The following SUCLG2 variants were observed in gnomAD, a reference collection of about 807,000 sequenced individuals.
SUCLG2 encodes succinate--CoA ligase [GDP-forming] subunit beta, mitochondrial.
Under a neutral mutation model 47.9 loss-of-function variants are expected in SUCLG2, and 42 were observed. That is an observed-to-expected ratio of 0.88 (90% CI 0.69 to 1.14). SUCLG2 has a LOEUF of 1.14. Among genes scored for constraint, SUCLG2 ranks in the 50% most tolerant of loss-of-function variants. The pLI is 0.00. For synonymous variants in SUCLG2, 195 were observed against 197.3 expected (o/e 0.99, Z 0.10); for missense variants, 571 against 525.9 (o/e 1.09, Z -0.84).
At chr3:67,568,824 T>C (rs1707537385) in intron 2 of SUCLG2, among the ~76,000 whole-genome samples, 1 of 152,008 alleles carries the variant, frequency 6.6e-6, no homozygotes, top group Admixed American at 6.6e-5. Flanking sequence ...GAGGCGGAGC[T>C]TGCAGTGAGC....
chr3:67,642,241 G>A (rs979803988), intron 1 of SUCLG2, among the ~76,000 whole-genome samples: 1 of 152,192 alleles, frequency 6.6e-6, no homozygotes, highest in South Asian at 2.1e-4. Flanking sequence ...CTGAGGAGAT[G>A]TGCAGGGCAA....
At chr3:67,547,380 CAT>C (rs1344822320) in intron 2 of SUCLG2, among the ~76,000 whole-genome samples, 3 of 152,216 alleles carry the variant, frequency 2.0e-5, no homozygotes, top group Non-Finnish European at 4.4e-5. Flanking sequence ...TCCCTGAACA[CAT>C]AGTGTTTTAC....
intron 2 of SUCLG2, among the ~76,000 whole-genome samples, chr3:67,554,743 C>A (rs985431864): frequency 6.6e-6 from 1 of 152,166 alleles, no homozygotes; most frequent in Non-Finnish European, 1.5e-5. Flanking sequence ...AGTTCGTCAA[C>A]ATATGGCTTC....
chr3:67,454,758 C>G (rs150247151), intron 9 of SUCLG2, among the ~76,000 whole-genome samples: 4,047 of 152,082 alleles, frequency 0.027, 68 homozygotes, highest in African/African-American at 0.049. Flanking sequence ...GTCAGGAGAT[C>G]GAGACCATCC....
At chr3:67,364,875 A>T (rs1701855728) in intron 10 of SUCLG2, among the ~76,000 whole-genome samples, 1 of 152,268 alleles carries the variant, frequency 6.6e-6, no homozygotes, top group Non-Finnish European at 1.5e-5. Context: ...GACAGTTTAA[A>T]GCAACCATCA....
chr3:67,423,204 G>C (rs565259101), intron 9 of SUCLG2, among the ~76,000 whole-genome samples: 35 of 152,242 alleles, frequency 2.3e-4, no homozygotes, highest in African/African-American at 7.9e-4. Flanking sequence ...AGTCTCACGA[G>C]ATCTGATGGC....
rs1245622334 is a variant in SUCLG2, at chr3:67,375,009, T to C, written c.*735A>G. On this transcript the variant is annotated 3_prime_UTR_variant, in exon 11 of 11. Transcript: ENST00000307227. Reference sequence around the variant, plus strand: ...ACAGAGATTTCCATAAGAATCAGGATTCATTTTTGACACAAAAATGGAAGC... The same window carrying C: ...ACAGAGATTTCCATAAGAATCAGGACTCATTTTTGACACAAAAATGGAAGC... 1 of 985,694 alleles carries C rather than the reference T, an allele frequency of 1.0e-6. No homozygotes were observed. Among genetic ancestry groups the C allele is most frequent in the Non-Finnish European group, 1.2e-6 (1 of 829,944 alleles). 61.1% of individuals were successfully genotyped at this position (985,694 alleles called of 1,614,324 possible).
At chr3:67,377,716 T>C (rs543820170) in intron 10 of SUCLG2, among the ~76,000 whole-genome samples, 19 of 152,164 alleles carry the variant, frequency 1.2e-4, no homozygotes, top group Non-Finnish European at 2.5e-4. Context: ...TGCAGTGGTG[T>C]GATCTCAGCT....
intron 9 of SUCLG2, among the ~76,000 whole-genome samples, chr3:67,477,619 C>A (rs188355602): frequency 2.0e-5 from 3 of 152,216 alleles, no homozygotes; most frequent in Non-Finnish European, 4.4e-5. Flanking sequence ...CACTTGAACC[C>A]GAGAGGCAGA....
intron 1 of SUCLG2, among the ~76,000 whole-genome samples, chr3:67,652,939 C>A (rs1219357565): frequency 1.3e-5 from 2 of 152,152 alleles, no homozygotes; most frequent in East Asian, 3.8e-4. Flanking sequence ...TACAGAAAAA[C>A]ACATCATCCA....
chr3:67,487,890 A>G (rs1410161152), intron 9 of SUCLG2, among the ~76,000 whole-genome samples: 2 of 152,142 alleles, frequency 1.3e-5, no homozygotes, highest in East Asian at 3.9e-4. Flanking sequence ...AAGGAGGTTC[A>G]TGGCATTATT....
intron 2 of SUCLG2, among the ~76,000 whole-genome samples, chr3:67,550,505 C>T (rs984252499): frequency 2.0e-5 from 3 of 151,916 alleles, no homozygotes; most frequent in Non-Finnish European, 4.4e-5. Context: ...CACCACCATG[C>T]CTGGAAATTT....
intron 6 of SUCLG2, among the ~76,000 whole-genome samples, chr3:67,509,730 A>G (rs1192738465): frequency 6.6e-6 from 1 of 152,198 alleles, no homozygotes; most frequent in East Asian, 1.9e-4. Context: ...ATCGTGGAGA[A>G]GAATTAGGTA....
At chr3:67,487,889 C>G (rs1559544371) in intron 9 of SUCLG2, among the ~76,000 whole-genome samples, 1 of 152,016 alleles carries the variant, frequency 6.6e-6, no homozygotes, top group Non-Finnish European at 1.5e-5. Context: ...CAAGGAGGTT[C>G]ATGGCATTAT....
chr3:67,431,715 A>T (rs1479087323), intron 9 of SUCLG2, among the ~76,000 whole-genome samples: 2 of 147,426 alleles, frequency 1.4e-5, no homozygotes, highest in Non-Finnish European at 3.0e-5. Context: ...ACGGTGGGGA[A>T]CATCACACAC....
At chr3:67,595,142 CT>C (rs776025752) in intron 2 of SUCLG2, among the ~76,000 whole-genome samples, 8 of 151,310 alleles carry the variant, frequency 5.3e-5, no homozygotes, top group Non-Finnish European at 1.0e-4. Flanking sequence ...TTCCATACTA[CT>C]GGTCATGTGG....
intron 9 of SUCLG2, among the ~76,000 whole-genome samples, chr3:67,458,609 T>C (rs1342656550): frequency 6.6e-6 from 1 of 152,150 alleles, no homozygotes; most frequent in Admixed American, 6.5e-5. Flanking sequence ...TAGCCGGTGC[T>C]TATTGTTTAT....
At chr3:67,557,077 T>C (rs1295887655) in intron 2 of SUCLG2, among the ~76,000 whole-genome samples, 1 of 152,196 alleles carries the variant, frequency 6.6e-6, no homozygotes, top group Admixed American at 6.5e-5. Context: ...AAAAGTCTGG[T>C]CAATGAATCT....
intron 7 of SUCLG2, among the ~76,000 whole-genome samples, chr3:67,507,690 G>T (rs192197957): frequency 6.6e-6 from 1 of 152,322 alleles, no homozygotes; most frequent in Admixed American, 6.5e-5. Flanking sequence ...TCTGAAATGT[G>T]CTAAGGAGAA....
Sources: gnomAD v4.1 joint callset for allele counts (sites outside exome capture counted in the v4.1 genomes callset) on GRCh38, gnomAD v4.1.1 for gene constraint, MANE v1.5 for transcripts, NCBI Gene and HGNC (gene_info 2026-07-23, HGNC 2026-07-21) for gene names.